The following UBE2E2 variants were observed in gnomAD, a reference collection of about 807,000 sequenced individuals.
The protein encoded by UBE2E2 is ubiquitin-conjugating enzyme E2 E2.
A neutral mutation model predicts 24.7 loss-of-function variants in UBE2E2; 6 were observed. That is an observed-to-expected ratio of 0.24 (90% CI 0.13 to 0.48). The LOEUF (loss-of-function observed/expected upper bound fraction) is 0.48. Among genes scored for constraint, UBE2E2 ranks in the 20% least tolerant of loss-of-function variants. UBE2E2 has a pLI of 0.99. For missense variants in UBE2E2, 169 were observed against 245.0 expected, an observed-to-expected ratio of 0.69 and a Z score of 2.07; for synonymous variants, 104 against 83.6, an observed-to-expected ratio of 1.24 and a Z score of -1.33.
chr3:23,553,963 A>G (rs961310019), intron 5 of UBE2E2, among the ~76,000 whole-genome samples: 1 of 152,282 alleles, frequency 6.6e-6, no homozygotes, highest in Admixed American at 6.5e-5. Context: ...TAAAATGCCC[A>G]TACTACCAAA....
At chr3:23,477,367 G>A (rs1699162055) in intron 3 of UBE2E2, among the ~76,000 whole-genome samples, 1 of 152,142 alleles carries the variant, frequency 6.6e-6, no homozygotes, top group South Asian at 2.1e-4. Context: ...CTGTGTTTTA[G>A]GGAGGTTGTT....
At chr3:23,420,816 T>G (rs533929646) in intron 3 of UBE2E2, among the ~76,000 whole-genome samples, 19 of 152,214 alleles carry the variant, frequency 1.2e-4, no homozygotes, top group Non-Finnish European at 2.2e-4. Flanking sequence ...AAAGGACTGA[T>G]CTTTACATGT....
At chr3:23,506,564 A>G (rs1006804510) in intron 4 of UBE2E2, among the ~76,000 whole-genome samples, 3 of 152,166 alleles carry the variant, frequency 2.0e-5, no homozygotes, top group East Asian at 1.9e-4. Flanking sequence ...ACCACCGTCA[A>G]CTGTTCTCCT....
chr3:23,576,705 G>T (rs1696355126), intron 5 of UBE2E2, among the ~76,000 whole-genome samples: 1 of 152,126 alleles, frequency 6.6e-6, no homozygotes. Flanking sequence ...GGGTAAGAGG[G>T]ATACAGAGAT....
intron 3 of UBE2E2, among the ~76,000 whole-genome samples, chr3:23,295,410 A>G (rs1698882601): frequency 6.6e-6 from 1 of 152,152 alleles, no homozygotes; most frequent in African/African-American, 2.4e-5. Context: ...AGATTCCTCT[A>G]AAGAGGGCTG....
At chr3:23,466,429 T>C (rs1014793277) in intron 3 of UBE2E2, among the ~76,000 whole-genome samples, 2 of 152,326 alleles carry the variant, frequency 1.3e-5, no homozygotes, top group African/African-American at 4.8e-5. Flanking sequence ...ATGAAAACTT[T>C]GGATTGGCTA....
intron 5 of UBE2E2, among the ~76,000 whole-genome samples, chr3:23,552,394 T>C (rs914027025): frequency 1.3e-5 from 2 of 152,198 alleles, no homozygotes; most frequent in Admixed American, 1.3e-4. Flanking sequence ...AAAAATATTC[T>C]GCATCATGTA....
At chr3:23,263,443 A>G (rs1030439855) in intron 3 of UBE2E2, among the ~76,000 whole-genome samples, 24 of 152,228 alleles carry the variant, frequency 1.6e-4, no homozygotes, top group African/African-American at 5.5e-4. Flanking sequence ...TTTGGCTTTG[A>G]CATAATTGAT....
intron 1 of UBE2E2, among the ~76,000 whole-genome samples, chr3:23,206,488 A>G (rs751612583): frequency 2.0e-5 from 3 of 152,158 alleles, no homozygotes; most frequent in Non-Finnish European, 4.4e-5. Flanking sequence ...TCATTTACAG[A>G]ATAGGTAGAA....
intron 3 of UBE2E2, among the ~76,000 whole-genome samples, chr3:23,318,934 A>G (rs1218404330): frequency 1.3e-5 from 2 of 152,224 alleles, no homozygotes; most frequent in Non-Finnish European, 2.9e-5. Flanking sequence ...TTCTCTTTAC[A>G]TAGTTTTGAG....
At chr3:23,444,088 CTTGTG>C (rs1186332789) in intron 3 of UBE2E2, among the ~76,000 whole-genome samples, 18 of 136,284 alleles carry the variant, frequency 1.3e-4, no homozygotes, top group Non-Finnish European at 2.6e-4. Flanking sequence ...TTTTTGCCAG[CTTGTG>C]TTGCTTGCCT....
intron 3 of UBE2E2, among the ~76,000 whole-genome samples, chr3:23,373,434 G>C (rs972667344): frequency 1.3e-5 from 2 of 152,124 alleles, no homozygotes; most frequent in Admixed American, 6.5e-5. Flanking sequence ...CTGGTCTGTA[G>C]TTCAAGATTC....
intron 3 of UBE2E2, among the ~76,000 whole-genome samples, chr3:23,271,742 C>G (rs1048081449): frequency 3.3e-5 from 5 of 152,172 alleles, no homozygotes; most frequent in Non-Finnish European, 7.3e-5. Context: ...GGTGTGTTTA[C>G]AAACCTTGAG....
At chr3:23,305,965 A>G (rs1699226253) in intron 3 of UBE2E2, among the ~76,000 whole-genome samples, 1 of 151,994 alleles carries the variant, frequency 6.6e-6, no homozygotes, top group South Asian at 2.1e-4. Context: ...AACTTTGCTC[A>G]TTTTTCTAGG....
chr3:23,400,451 C>A (rs993085898), intron 3 of UBE2E2, among the ~76,000 whole-genome samples: 1 of 152,112 alleles, frequency 6.6e-6, no homozygotes, highest in African/African-American at 2.4e-5. Flanking sequence ...ACTACAGGTG[C>A]ATGCCACTGT....
At position 23,366,547 on chromosome 3, in the gene UBE2E2, A is replaced by G. The variant is rs562103370; in HGVS notation, c.228-133061A>G. Among the ~76,000 whole-genome samples, 10 of 152,348 alleles carry G rather than the reference A, an allele frequency of 6.6e-5. No individual in the cohort carries two copies. In the South Asian group the frequency reaches 1.2e-3, roughly 19 times the overall value. On this transcript the variant is annotated intron_variant, in intron 3 of 5. Transcript: ENST00000396703. ...GCCATGATGCCCCATGTTCTCTCTT[A>G]CAGGTCAGAGGTAAACATTGAGTAC...
At chr3:23,428,928 T>TAAAAAAAAAAAA (rs34525850) in intron 3 of UBE2E2, among the ~76,000 whole-genome samples, 6 of 75,888 alleles carry the variant, frequency 7.9e-5, no homozygotes, top group African/African-American at 1.1e-4. Flanking sequence ...CTCTGTCTCT[T>TAAAAAAAAAAAA]AAAAAAAAAA....
At chr3:23,345,708 A>G (rs1164843384) in intron 3 of UBE2E2, among the ~76,000 whole-genome samples, 1 of 152,234 alleles carries the variant, frequency 6.6e-6, no homozygotes. Context: ...CTAAATAGAT[A>G]AATTGATTTT....
At chr3:23,535,732 C>T (rs2125488466) in intron 5 of UBE2E2, among the ~76,000 whole-genome samples, 1 of 148,460 alleles carries the variant, frequency 6.7e-6, no homozygotes, top group East Asian at 2.0e-4. Context: ...AAGCGATTCT[C>T]CTGCCTCAGC....
Sources: allele counts gnomAD v4.1 joint callset (sites outside exome capture counted in the v4.1 genomes callset), GRCh38; gene constraint gnomAD v4.1.1; transcripts MANE v1.5; gene names NCBI Gene and HGNC (gene_info 2026-07-23, HGNC 2026-07-21).